C3orf52: variants seen among roughly 807,000 people sequenced by gnomAD.
C3orf52 encodes the protein chromosome 3 open reading frame 52.
Under a neutral mutation model 24.8 loss-of-function variants are expected in C3orf52, and 22 were observed. The observed-to-expected ratio is 0.89, with a 90% CI of 0.63 to 1.27. C3orf52 has a LOEUF of 1.27. C3orf52 is among the 50% of genes most tolerant of loss of function. The pLI, the probability that C3orf52 is intolerant of heterozygous loss-of-function variation, is 0.00. For missense variants in C3orf52, 265 were observed against 260.7 expected (o/e 1.02, Z -0.11); for synonymous variants, 93 against 100.2 (o/e 0.93, Z 0.43).
downstream of C3orf52, chr3:112,130,276 C>A: frequency 1.5e-6 from 1 of 652,810 alleles, no homozygotes. Context: ...ATCTCCTGTC[C>A]AAAGTTTTCA....
At chr3:112,097,907 A>T (rs1167257183) in intron 2 of C3orf52, among the ~76,000 whole-genome samples, 2 of 152,180 alleles carry the variant, frequency 1.3e-5, no homozygotes, top group Admixed American at 1.3e-4. Flanking sequence ...GTGTTCCATT[A>T]TTGGAATGCT....
intron 1 of C3orf52, among the ~76,000 whole-genome samples, 185 bp downstream of exon 1, chr3:112,086,730 C>T (rs1369677950): frequency 6.6e-6 from 1 of 152,158 alleles, no homozygotes. Context: ...CCCGAGCAGT[C>T]CCCTCCCCAG....
intron 3 of C3orf52, 43 bp from the exon 4 acceptor site, chr3:112,109,500 C>A: frequency 7.8e-7 from 1 of 1,280,406 alleles, no homozygotes. Context: ...GTAATATGAT[C>A]TGTCGGTAAT....
At chr3:112,123,118 T>C, downstream of C3orf52, 1 of 292,352 alleles carries the variant, frequency 3.4e-6, no homozygotes. Context: ...GGGAACACTT[T>C]ATAAGAAGAT....
At chr3:112,131,975 G>GT (rs2074465176), downstream of C3orf52, among the ~76,000 whole-genome samples, 1 of 152,090 alleles carries the variant, frequency 6.6e-6, no homozygotes, top group Non-Finnish European at 1.5e-5. Context: ...TTTTTTTAAA[G>GT]TTTTTTTGCA....
intron 2 of C3orf52, among the ~76,000 whole-genome samples, chr3:112,100,687 T>C (rs2073964934): frequency 6.6e-6 from 1 of 152,206 alleles, no homozygotes; most frequent in African/African-American, 2.4e-5. Flanking sequence ...ATGGTGGGTA[T>C]AGAGCTCAAA....
intron 2 of C3orf52, among the ~76,000 whole-genome samples, chr3:112,098,240 C>A (rs1002117606): frequency 2.6e-5 from 4 of 152,218 alleles, no homozygotes; most frequent in Non-Finnish European, 4.4e-5. Context: ...ATCGTGGAAG[C>A]CAACATTTCT....
chr3:112,112,809 A>G (rs1423745435), intron 4 of C3orf52, 155 bp from the exon 5 acceptor site: 3 of 740,168 alleles, frequency 4.1e-6, no homozygotes, highest in Non-Finnish European at 4.9e-6. Context: ...GAGGATTCTT[A>G]TAGGACAGTA....
At chr3:112,133,895 C>T (rs1189140428), downstream of C3orf52, 1 of 152,242 alleles carries the variant, frequency 6.6e-6, no homozygotes, top group Admixed American at 6.5e-5. Context: ...GTCCCACCCT[C>T]AAGCCTTGAA....
At chr3:112,113,234 T>G (rs1225932121) in intron 5 of C3orf52, 89 bp downstream of exon 5, 3 of 956,358 alleles carry the variant, frequency 3.1e-6, no homozygotes, top group African/African-American at 1.6e-5. Context: ...ATTTGGCAAC[T>G]GTGGTGACTT....
At chr3:112,114,983 A>G (rs2074121764) in intron 5 of C3orf52, among the ~76,000 whole-genome samples, 1 of 152,222 alleles carries the variant, frequency 6.6e-6, no homozygotes, top group Admixed American at 6.5e-5. Context: ...AGCTTGGCCA[A>G]AGAGACTCAG....
chr3:112,113,087 T>A lies in C3orf52; in HGVS notation c.591T>A (p.Asp197Glu). ...VLGILLQDFR[D>E]QNIPGCESLG... ...GCATTTTGCTACAGGATTTCCGTGA[T>A]CAGAATATACCTGGTTGTGAGAGTC... The change falls in exon 5 of 6, where the codon GAT (aspartate) becomes GAA (glutamate). Residue 197 changes from aspartate (D) to glutamate (E), a missense_variant. Physicochemically the swap from Asp to Glu is conservative, Grantham distance 45 (BLOSUM62 2). Transcript: ENST00000264848. The A allele has an allele frequency of 6.2e-7, 1 of 1,611,620 alleles. No individual in the cohort carries two copies. The highest frequency in any genetic ancestry group is 8.5e-7 in the Non-Finnish European group (1 of 1,178,968).
chr3:112,104,761 C>G (rs1016078944), intron 3 of C3orf52, among the ~76,000 whole-genome samples: 1 of 151,946 alleles, frequency 6.6e-6, no homozygotes, highest in Non-Finnish European at 1.5e-5. Flanking sequence ...TACACTGTGC[C>G]CAATTTGTAG....
intron 3 of C3orf52, among the ~76,000 whole-genome samples, chr3:112,106,893 C>T (rs145576691): frequency 3.2e-4 from 48 of 152,282 alleles, no homozygotes; most frequent in African/African-American, 1.1e-3. Flanking sequence ...CTGCATCAGA[C>T]TCAGCTAATC....
intron 5 of C3orf52, among the ~76,000 whole-genome samples, 157 bp downstream of exon 5, chr3:112,113,302 T>C (rs2074104195): frequency 6.6e-6 from 1 of 152,176 alleles, no homozygotes; most frequent in African/African-American, 2.4e-5. Context: ...GGTGTTGCTG[T>C]GAGGTGATGT....
At chr3:112,116,552 C>A in intron 5 of C3orf52, 90 bp from the exon 6 acceptor site, 2 of 1,239,664 alleles carry the variant, frequency 1.6e-6, no homozygotes, top group Non-Finnish European at 2.2e-6. Context: ...AGATTTTACA[C>A]TAAAATTCAA....
At chr3:112,102,029 C>T (rs182697476) in intron 2 of C3orf52, among the ~76,000 whole-genome samples, 393 of 152,300 alleles carry the variant, frequency 2.6e-3, no homozygotes, top group Middle Eastern at 6.8e-3. Context: ...GAATGTAATT[C>T]CTGCACACCC....
chr3:112,104,657 G>A (rs985191862), intron 3 of C3orf52, among the ~76,000 whole-genome samples: 53 of 149,868 alleles, frequency 3.5e-4, no homozygotes, highest in African/African-American at 1.2e-3. Flanking sequence ...TTTTATTTCC[G>A]TAGGTTTTGG....
At position 112,117,025 on chromosome 3, in the gene C3orf52, A is replaced by T. The variant is rs1029873192; in HGVS notation, c.*379A>T. Reference sequence around the variant, plus strand: ...TGGAGTGCGGTGGCGTGATCATGGCACTGCTATTCTTGAAGCACTCCACCC... The same window carrying T: ...TGGAGTGCGGTGGCGTGATCATGGCTCTGCTATTCTTGAAGCACTCCACCC... On this transcript the variant is annotated 3_prime_UTR_variant, in exon 6 of 6. Transcript: ENST00000264848. The T allele has an allele frequency of 7.9e-6, 9 of 1,136,414 alleles. No individual in the cohort carries two copies. The African/African-American group carries it at 1.4e-4, about 18-fold the overall frequency. 70.4% of individuals were successfully genotyped at this position (1,136,414 alleles called of 1,614,324 possible).
Sources: gnomAD v4.1 joint callset for allele counts (sites outside exome capture counted in the v4.1 genomes callset) on GRCh38, gnomAD v4.1.1 for gene constraint, MANE v1.5 for transcripts, NCBI Gene and HGNC (gene_info 2026-07-23, HGNC 2026-07-21) for gene names.